DUSP18: variants seen among roughly 807,000 people sequenced by gnomAD.
DUSP18 encodes dual specificity protein phosphatase 18.
In DUSP18, 4 loss-of-function variants were observed where a neutral mutation model predicts 6.3. The ratio of observed to expected loss-of-function variants is 0.63; its 90% CI spans 0.31 to 1.45. The LOEUF (loss-of-function observed/expected upper bound fraction) is 1.45, where lower values mean the gene tolerates loss of function less well. Among genes scored for constraint, DUSP18 ranks in the 40% most tolerant of loss-of-function variants. The probability of loss-of-function intolerance (pLI) is 0.07; values close to 1 mark genes in which losing one functional copy is unlikely to be tolerated. For synonymous variants in DUSP18, 96 were observed against 95.1 expected, an observed-to-expected ratio of 1.01 and a Z score of -0.05; for missense variants, 235 against 247.7, an observed-to-expected ratio of 0.95 and a Z score of 0.34.
downstream of DUSP18, among the ~76,000 whole-genome samples, chr22:30,658,919 TG>T (rs2088400683): frequency 1.3e-5 from 2 of 151,088 alleles, no homozygotes; most frequent in Non-Finnish European, 3.0e-5. Context: ...CTGAGGCGGG[TG>T]GATCACGAGA....
downstream of DUSP18, among the ~76,000 whole-genome samples, chr22:30,657,926 A>ATAC (rs1260229765): frequency 1.0e-3 from 148 of 146,082 alleles, no homozygotes; most frequent in Non-Finnish European, 1.8e-3. Context: ...AATAATAATA[A>ATAC]TAATAATAAT....
At chr22:30,656,917 C>T (rs571687655), downstream of DUSP18, among the ~76,000 whole-genome samples, 3 of 151,908 alleles carry the variant, frequency 2.0e-5, no homozygotes, top group Admixed American at 2.0e-4. Flanking sequence ...GAGTTCGAGA[C>T]CAGCCTGGTC....
At chr22:30,664,262 T>C (rs1051745428) in intron 1 of DUSP18, among the ~76,000 whole-genome samples, 182 bp from the exon 2 acceptor site, 1 of 152,142 alleles carries the variant, frequency 6.6e-6, no homozygotes, top group African/African-American at 2.4e-5. Flanking sequence ...AAACCCACAG[T>C]CAGACTCTCG....
intron 2 of DUSP18, chr22:30,654,583 G>T (rs1350812625): frequency 6.5e-6 from 3 of 459,666 alleles, no homozygotes; most frequent in Admixed American, 2.4e-5. Context: ...TGCGGCTGGG[G>T]ACCCGGAAGT....
intron 2 of DUSP18, chr22:30,654,401 G>A (rs931132341): frequency 2.2e-6 from 1 of 456,176 alleles, no homozygotes. Flanking sequence ...AGCTGCCCCA[G>A]GTAGGCAAAC....
At chr22:30,660,299 A>G (rs1224114388), downstream of DUSP18, among the ~76,000 whole-genome samples, 1 of 115,938 alleles carries the variant, frequency 8.6e-6, no homozygotes, top group Non-Finnish European at 1.9e-5. Flanking sequence ...AATGAGCAGC[A>G]GAGAGAAAAA....
chr22:30,657,917 A>G, downstream of DUSP18, among the ~76,000 whole-genome samples: 1 of 123,800 alleles, frequency 8.1e-6, no homozygotes, highest in East Asian at 3.3e-4. Context: ...AATAATAATA[A>G]TAATAATAAT....
downstream of DUSP18, among the ~76,000 whole-genome samples, chr22:30,660,647 T>C (rs2088439030): frequency 6.6e-6 from 1 of 152,214 alleles, no homozygotes; most frequent in Non-Finnish European, 1.5e-5. Context: ...CAAGTGGCTC[T>C]GTGAACTCTG....
chr22:30,666,391 C>A (rs550644257), intron 1 of DUSP18, among the ~76,000 whole-genome samples: 1 of 152,000 alleles, frequency 6.6e-6, no homozygotes, highest in Non-Finnish European at 1.5e-5. Context: ...AAGGCCGAGG[C>A]GGGCAGATCA....
downstream of DUSP18, among the ~76,000 whole-genome samples, chr22:30,658,522 T>C (rs1722300823): frequency 6.6e-6 from 1 of 152,002 alleles, no homozygotes; most frequent in South Asian, 2.1e-4. Flanking sequence ...CCGTTGCCTT[T>C]TTTCTCTCTT....
intron 2 of DUSP18, among the ~76,000 whole-genome samples, chr22:30,655,301 A>G (rs1165833134): frequency 6.6e-6 from 1 of 151,210 alleles, no homozygotes; most frequent in African/African-American, 2.4e-5. Flanking sequence ...ACGGAAAAAA[A>G]AAAAAAATAG....
chr22:30,657,909 T>A (rs1409597045), downstream of DUSP18, among the ~76,000 whole-genome samples: 3 of 14,190 alleles, frequency 2.1e-4, no homozygotes, highest in African/African-American at 6.2e-4. Flanking sequence ...GTCTCAAAAA[T>A]AATAATAATA....
At chr22:30,654,976 G>A (rs1188619068) in intron 2 of DUSP18, among the ~76,000 whole-genome samples, 1 of 152,188 alleles carries the variant, frequency 6.6e-6, no homozygotes, top group Non-Finnish European at 1.5e-5. Context: ...GGAAACTGAA[G>A]CCCAAAGAAT....
intron 1 of DUSP18, 64 bp from the exon 2 acceptor site, chr22:30,664,144 G>T: frequency 1.4e-6 from 1 of 735,866 alleles, no homozygotes; most frequent in Non-Finnish European, 2.3e-6. Flanking sequence ...GGGGATCCCT[G>T]GGAAATGGAT....
At chr22:30,654,493 G>A (rs1407703748) in intron 2 of DUSP18, 3 of 433,698 alleles carry the variant, frequency 6.9e-6, no homozygotes, top group Admixed American at 2.5e-5. Flanking sequence ...GTGGGATGCC[G>A]TTAAACACCT....
At chr22:30,665,659 CACTT>C (rs1166015872) in intron 1 of DUSP18, 3 of 400,382 alleles carry the variant, frequency 7.5e-6, no homozygotes, top group South Asian at 1.9e-5. Flanking sequence ...TCCTTCCTAA[CACTT>C]ACTGAAGACG....
chr22:30,665,899 G>C (rs1036642379), intron 1 of DUSP18, among the ~76,000 whole-genome samples: 1 of 139,340 alleles, frequency 7.2e-6, no homozygotes, highest in African/African-American at 2.6e-5. Context: ...GAAAGAATGA[G>C]TTCTCTGGCA....
At chr22:30,657,721 G>A (rs1023230204), downstream of DUSP18, among the ~76,000 whole-genome samples, 9 of 150,940 alleles carry the variant, frequency 6.0e-5, no homozygotes, top group South Asian at 2.1e-4. Context: ...TGGCTAACAC[G>A]GTGAAACCCC....
chr22:30,657,483 G>A, downstream of DUSP18, among the ~76,000 whole-genome samples: 1 of 150,676 alleles, frequency 6.6e-6, no homozygotes, highest in East Asian at 2.0e-4. Context: ...TTCTGGCCGG[G>A]TGTAGTGGGT....
Sources: gnomAD v4.1 joint callset for allele counts (sites outside exome capture counted in the v4.1 genomes callset) on GRCh38, gnomAD v4.1.1 for gene constraint, MANE v1.5 for transcripts, NCBI Gene and HGNC (gene_info 2026-07-23, HGNC 2026-07-21) for gene names.